AP3S1: variants seen among roughly 807,000 people sequenced by gnomAD.
AP3S1 encodes AP-3 complex subunit sigma-1.
In AP3S1, 12 loss-of-function variants were observed where a neutral mutation model predicts 21.3. The ratio of observed to expected loss-of-function variants is 0.56; its 90% CI spans 0.36 to 0.91. The LOEUF (loss-of-function observed/expected upper bound fraction) is 0.91, where lower values mean the gene tolerates loss of function less well. AP3S1 is among the 40% of genes least tolerant of loss of function. The probability of loss-of-function intolerance (pLI) is 0.01; values close to 1 mark genes in which losing one functional copy is unlikely to be tolerated. For missense variants in AP3S1, 116 were observed against 225.0 expected (o/e 0.52, Z 3.10); for synonymous variants, 48 against 78.4 (o/e 0.61, Z 2.05).
At chr5:115,882,109 A>G (rs903734667) in intron 3 of AP3S1, among the ~76,000 whole-genome samples, 1 of 151,840 alleles carries the variant, frequency 6.6e-6, no homozygotes, top group Non-Finnish European at 1.5e-5. Flanking sequence ...CTGACCTTTT[A>G]TCAAGGCTCT....
Position 115,908,954 on chromosome 5 carries a change from T to G in AP3S1, c.454-4408T>G, listed in dbSNP as rs1751879027. ...CCATTTAATATTGTGTTTATTAATG[T>G]TGGTGTTCTTTCACTTTGCTGTTAG... On this transcript the variant is annotated intron_variant, in intron 5 of 5. Coordinates refer to ENST00000316788, the MANE Select transcript of AP3S1 (RefSeq NM_001284.4). 3 of 979,176 alleles carry G rather than the reference T, an allele frequency of 3.1e-6. No homozygotes were observed. In the South Asian group the frequency reaches 1.4e-4, roughly 46 times the overall value. The allele number at this position is 979,176 out of a possible 1,614,324, so 60.7% of individuals were successfully genotyped here.
intron 4 of AP3S1, among the ~76,000 whole-genome samples, 200 bp downstream of exon 4, chr5:115,895,358 G>A (rs1258174955): frequency 1.3e-5 from 2 of 152,030 alleles, no homozygotes; most frequent in African/African-American, 4.8e-5. Flanking sequence ...ATCGAAGGGT[G>A]GAAACAACGG....
chr5:115,842,635 A>G (rs1761705410), intron 1 of AP3S1: 1 of 153,142 alleles, frequency 6.5e-6, no homozygotes, highest in African/African-American at 2.4e-5. Context: ...TGGTCCTCTC[A>G]TAGCACAGGA....
intron 5 of AP3S1, chr5:115,908,936 A>G: frequency 2.1e-6 from 2 of 962,574 alleles, no homozygotes; most frequent in South Asian, 4.8e-5. Context: ...AAACCATTTA[A>G]TATTGTGTTT....
At chr5:115,881,339 G>A (rs1020800033) in intron 3 of AP3S1, among the ~76,000 whole-genome samples, 4 of 152,126 alleles carry the variant, frequency 2.6e-5, no homozygotes, top group African/African-American at 9.7e-5. Context: ...GCTGGTACCG[G>A]TTTTTCCTTT....
chr5:115,881,163 C>T (rs1205283865), intron 3 of AP3S1, among the ~76,000 whole-genome samples: 1 of 152,090 alleles, frequency 6.6e-6, no homozygotes, highest in Admixed American at 6.5e-5. Flanking sequence ...GTTTGCCCAT[C>T]TGTGTCTTTT....
At chr5:115,874,205 T>C (rs989083178) in intron 3 of AP3S1, among the ~76,000 whole-genome samples, 1 of 151,962 alleles carries the variant, frequency 6.6e-6, no homozygotes, top group Non-Finnish European at 1.5e-5. Flanking sequence ...AGGGGTGGAC[T>C]TTTTTTTATT....
chr5:115,900,781 A>G (rs981131683), intron 4 of AP3S1, among the ~76,000 whole-genome samples: 5 of 152,180 alleles, frequency 3.3e-5, no homozygotes, highest in Non-Finnish European at 7.4e-5. Flanking sequence ...CCTGGTTCTT[A>G]GTGAACTGAG....
At position 115,871,662 on chromosome 5, in the gene AP3S1, C is replaced by G. The variant is rs139092597; in HGVS notation, c.273+1534C>G. On this transcript the variant is annotated intron_variant, in intron 3 of 5. Coordinates refer to ENST00000316788, the MANE Select transcript of AP3S1 (RefSeq NM_001284.4). ...GTACACTGAACTCCTTGCCCACACC[C>G]ATACATCTGAACATACCTAGAGGAA... Among the ~76,000 whole-genome samples the G allele has an allele frequency of 1.3e-3, 193 of 152,114 alleles. 1 individual carries two copies. Among genetic ancestry groups the G allele is most frequent in the African/African-American group, 4.2e-3 (176 of 41,504 alleles).
intron 3 of AP3S1, among the ~76,000 whole-genome samples, chr5:115,892,327 A>G (rs1387580823): frequency 6.6e-6 from 1 of 152,214 alleles, no homozygotes; most frequent in African/African-American, 2.4e-5. Context: ...AAAGAAAAGA[A>G]ATCAGTGTGT....
intron 1 of AP3S1, among the ~76,000 whole-genome samples, chr5:115,850,458 C>G (rs900211350): frequency 2.0e-5 from 3 of 152,124 alleles, no homozygotes; most frequent in Non-Finnish European, 4.4e-5. Context: ...ACCACCCATC[C>G]ATCTGTAGAA....
intron 5 of AP3S1, chr5:115,906,685 T>G: frequency 1.7e-6 from 1 of 589,808 alleles, no homozygotes; most frequent in Non-Finnish European, 2.6e-6. Flanking sequence ...GGAGATCTGT[T>G]AGCTTTTATG....
At chr5:115,894,444 G>C (rs1750573072) in intron 3 of AP3S1, among the ~76,000 whole-genome samples, 1 of 152,148 alleles carries the variant, frequency 6.6e-6, no homozygotes, top group African/African-American at 2.4e-5. Flanking sequence ...ACTCTAATCA[G>C]ACAACTTTCT....
intron 5 of AP3S1, 124 bp from the exon 6 acceptor site, chr5:115,913,238 A>C (rs1426413162): frequency 2.1e-6 from 2 of 931,102 alleles, no homozygotes; most frequent in Non-Finnish European, 3.0e-6. Context: ...AATTCAAACT[A>C]CCATCTGGTC....
At chr5:115,898,627 G>A (rs781214309) in intron 4 of AP3S1, 8 of 152,324 alleles carry the variant, frequency 5.3e-5, no homozygotes, top group Non-Finnish European at 8.8e-5. Context: ...CCAGGTCTTA[G>A]GTAGTCTGAA....
At chr5:115,873,116 A>G (rs924612099) in intron 3 of AP3S1, among the ~76,000 whole-genome samples, 6 of 152,172 alleles carry the variant, frequency 3.9e-5, no homozygotes, top group Admixed American at 6.5e-5. Context: ...GAAGTATTTT[A>G]TGCTTGCGTC....
intron 1 of AP3S1, among the ~76,000 whole-genome samples, chr5:115,857,782 T>G (rs1762902603): frequency 6.6e-6 from 1 of 152,196 alleles, no homozygotes; most frequent in Non-Finnish European, 1.5e-5. Flanking sequence ...TAATTCCCAG[T>G]CCCCTCATAG....
chr5:115,892,670 G>A (rs1344190507), intron 3 of AP3S1, among the ~76,000 whole-genome samples: 2 of 152,092 alleles, frequency 1.3e-5, no homozygotes, highest in Non-Finnish European at 2.9e-5. Context: ...GGGTAGTGGA[G>A]GGTTGGAGAA....
At chr5:115,897,974 T>TA (rs1448215294) in intron 4 of AP3S1, among the ~76,000 whole-genome samples, 1 of 152,180 alleles carries the variant, frequency 6.6e-6, no homozygotes, top group Non-Finnish European at 1.5e-5. Flanking sequence ...GAATATCCCT[T>TA]TTGTTATCAG....
Sources: allele counts gnomAD v4.1 joint callset (sites outside exome capture counted in the v4.1 genomes callset), GRCh38; gene constraint gnomAD v4.1.1; transcripts MANE v1.5; gene names NCBI Gene and HGNC (gene_info 2026-07-23, HGNC 2026-07-21).